Variants in CCDC192 observed in about 807,000 individuals in gnomAD.
CCDC192 encodes the protein coiled-coil domain containing 192, also known as coiled-coil domain-containing protein 192.
intron 3 of CCDC192, among the ~76,000 whole-genome samples, chr5:127,790,472 AT>A (rs1756804634): frequency 6.6e-6 from 1 of 152,068 alleles, no homozygotes; most frequent in African/African-American, 2.4e-5. Flanking sequence ...GAACATTAAT[AT>A]TTTTCTTCTA....
In CCDC192 at chr5:127,822,552, A is replaced by G. The variant is rs1177104840; in HGVS notation, c.411+24390A>G. Among the ~76,000 whole-genome samples, 9 of 152,180 alleles carry G rather than the reference A, an allele frequency of 5.9e-5. No individual in the cohort carries two copies. The East Asian group carries it at 1.7e-3, about 29-fold the overall frequency. On this transcript the variant is annotated intron_variant, in intron 5 of 6. Transcript: ENST00000514853. ...AAAGAAAAAGAAAAACAGACTATGAAAAGGGAGAGGGGTTCTGGGAGAGGG... is the reference window on the plus strand; with the variant it reads ...AAAGAAAAAGAAAAACAGACTATGAGAAGGGAGAGGGGTTCTGGGAGAGGG...
At chr5:127,858,180 A>G (rs1441623451) in intron 5 of CCDC192, among the ~76,000 whole-genome samples, 2 of 152,176 alleles carry the variant, frequency 1.3e-5, no homozygotes, top group Admixed American at 1.3e-4. Context: ...ATCCGATCCT[A>G]TTGACCACCT....
intron 3 of CCDC192, among the ~76,000 whole-genome samples, chr5:127,793,397 G>C (rs945107729): frequency 6.6e-6 from 1 of 152,084 alleles, no homozygotes; most frequent in Non-Finnish European, 1.5e-5. Flanking sequence ...TAAGGTATTA[G>C]AAAAAAGTTT....
At chr5:127,750,911 G>A (rs1309553550) in intron 2 of CCDC192, among the ~76,000 whole-genome samples, 1 of 150,150 alleles carries the variant, frequency 6.7e-6, no homozygotes, top group East Asian at 2.0e-4. Context: ...TTTAAAGTCT[G>A]TTTTATCAGA....
intron 6 of CCDC192, among the ~76,000 whole-genome samples, chr5:127,876,949 C>A (rs1460573205): frequency 6.6e-6 from 1 of 152,136 alleles, no homozygotes; most frequent in African/African-American, 2.4e-5. Context: ...CTTTTACCAC[C>A]ATGAAACCTA....
intron 5 of CCDC192, among the ~76,000 whole-genome samples, chr5:127,826,252 G>C (rs1044288548): frequency 6.6e-6 from 1 of 152,110 alleles, no homozygotes; most frequent in African/African-American, 2.4e-5. Flanking sequence ...ACACGAGTCA[G>C]GATGGCTATG....
At chr5:127,780,585 A>AT (rs1291556462) in intron 3 of CCDC192, among the ~76,000 whole-genome samples, 5 of 151,942 alleles carry the variant, frequency 3.3e-5, no homozygotes, top group Non-Finnish European at 2.9e-5. Flanking sequence ...GATGTTGAGC[A>AT]TTTTTTCATA....
intron 6 of CCDC192, among the ~76,000 whole-genome samples, chr5:127,879,986 G>C (rs1416247042): frequency 1.3e-5 from 2 of 152,084 alleles, no homozygotes; most frequent in Non-Finnish European, 2.9e-5. Context: ...TTACACTGTT[G>C]GTGGGACTGT....
intron 3 of CCDC192, among the ~76,000 whole-genome samples, chr5:127,784,078 C>T (rs1465272283): frequency 6.6e-6 from 1 of 152,152 alleles, no homozygotes; most frequent in African/African-American, 2.4e-5. Flanking sequence ...GAATACTTAT[C>T]CATTCTGTTG....
intron 5 of CCDC192, among the ~76,000 whole-genome samples, chr5:127,811,563 A>G (rs568438266): frequency 6.6e-6 from 1 of 152,156 alleles, no homozygotes; most frequent in Non-Finnish European, 1.5e-5. Context: ...ATATATTTTT[A>G]TTTATTTTGT....
At chr5:127,709,139 GGAGAGAAAGAAGAGA>G (rs1751145490) in intron 2 of CCDC192, among the ~76,000 whole-genome samples, 1 of 127,718 alleles carries the variant, frequency 7.8e-6, no homozygotes, top group African/African-American at 2.8e-5. Context: ...GGGAGAGGGA[GGAGAGAAAGAAGAGA>G]GAGAGAGGGG....
chr5:127,923,419 C>A (rs148037230), intron 6 of CCDC192, among the ~76,000 whole-genome samples: 1,791 of 151,324 alleles, frequency 0.012, 27 homozygotes, highest in African/African-American at 0.042. Flanking sequence ...ACTCTGCCTC[C>A]CAGGCTGGAG....
intron 2 of CCDC192, among the ~76,000 whole-genome samples, chr5:127,751,394 GA>G (rs1754160865): frequency 1.3e-5 from 2 of 151,936 alleles, no homozygotes; most frequent in Admixed American, 1.3e-4. Flanking sequence ...GGCTGGATAT[GA>G]AATTCTGGGT....
At chr5:127,752,175 G>T (rs1304373418) in intron 2 of CCDC192, among the ~76,000 whole-genome samples, 3 of 152,196 alleles carry the variant, frequency 2.0e-5, no homozygotes, top group African/African-American at 7.2e-5. Flanking sequence ...CATTCCTTTG[G>T]AGGAGGAGAG....
Position 127,896,561 on chromosome 5 carries a change from G to A in CCDC192, c.535+20900G>A, listed in dbSNP as rs1239944860. On this transcript the variant is annotated intron_variant, in intron 6 of 6. Coordinates refer to ENST00000514853, the MANE Select transcript of CCDC192 (RefSeq NM_001317938.2). ...GGATTCTCCTGCTTCAGTCTCCTGA[G>A]CAGCTGGGGCTACAGGTGTGCACCA... is the stretch of plus-strand genomic sequence containing the variant. Among the ~76,000 whole-genome samples the A allele has an allele frequency of 1.2e-4, 19 of 152,010 alleles. 1 individual carries two copies. Among genetic ancestry groups the A allele is most frequent in the Admixed American group, 1.2e-3 (18 of 15,274 alleles).
intron 1 of CCDC192, among the ~76,000 whole-genome samples, chr5:127,703,787 C>T (rs1750810636): frequency 6.6e-6 from 1 of 152,118 alleles, no homozygotes; most frequent in African/African-American, 2.4e-5. Flanking sequence ...TCACCCACCC[C>T]AGCCATTTTA....
chr5:127,769,314 G>T (rs1755413945), intron 3 of CCDC192, among the ~76,000 whole-genome samples: 1 of 152,128 alleles, frequency 6.6e-6, no homozygotes, highest in Admixed American at 6.5e-5. Flanking sequence ...GTCCGGGGAA[G>T]GAACAGATTG....
At chr5:127,870,815 C>T (rs1011126600) in intron 5 of CCDC192, among the ~76,000 whole-genome samples, 3 of 152,222 alleles carry the variant, frequency 2.0e-5, no homozygotes, top group African/African-American at 4.8e-5. Context: ...CTTTTAAAGA[C>T]AAGTTGTATC....
chr5:127,861,815 A>G (rs1399778301), intron 5 of CCDC192, among the ~76,000 whole-genome samples: 1 of 152,226 alleles, frequency 6.6e-6, no homozygotes, highest in Non-Finnish European at 1.5e-5. Flanking sequence ...GTGAACATCA[A>G]GGCACTTGCC....
Sources: gnomAD v4.1 joint callset for allele counts (sites outside exome capture counted in the v4.1 genomes callset) on GRCh38, gnomAD v4.1.1 for gene constraint, MANE v1.5 for transcripts, NCBI Gene and HGNC (gene_info 2026-07-23, HGNC 2026-07-21) for gene names.